The following CDH13 variants were observed in gnomAD, a reference collection of about 807,000 sequenced individuals.
The protein encoded by CDH13 is cadherin-13.
Under a neutral mutation model 63.8 loss-of-function variants are expected in CDH13, and 24 were observed. The ratio of observed to expected loss-of-function variants is 0.38; its 90% confidence interval spans 0.27 to 0.53. The LOEUF is 0.53. CDH13 is among the 20% of genes least tolerant of loss of function. CDH13 has a pLI of 0.85. For synonymous variants in CDH13, 503 were observed against 355.3 expected, an observed-to-expected ratio of 1.42 and a Z score of -4.67; for missense variants, 1,049 against 903.1, an observed-to-expected ratio of 1.16 and a Z score of -2.07.
chr16:83,546,267 G>A (rs540666247), intron 7 of CDH13, among the ~76,000 whole-genome samples: 1 of 152,236 alleles, frequency 6.6e-6, no homozygotes. Flanking sequence ...CTGGAGGGTG[G>A]CACTCTTGGC....
intron 1 of CDH13, among the ~76,000 whole-genome samples, chr16:82,804,089 G>A (rs554226067): frequency 1.1e-3 from 160 of 144,892 alleles, no homozygotes; most frequent in African/African-American, 4.0e-3. Flanking sequence ...TTAGCTGGGC[G>A]TGGTGGTGCG....
chr16:83,634,515 C>A (rs11642523), intron 8 of CDH13, among the ~76,000 whole-genome samples: 3 of 151,726 alleles, frequency 2.0e-5, no homozygotes, highest in East Asian at 3.9e-4. Context: ...ATTCTCCTGC[C>A]TCAGCCTCCT....
intron 1 of CDH13, chr16:82,688,822 C>T (rs1415999078): frequency 6.6e-6 from 1 of 152,016 alleles, no homozygotes; most frequent in Admixed American, 6.5e-5. Flanking sequence ...GATTTGGTCA[C>T]CAGGCAGATT....
intron 1 of CDH13, among the ~76,000 whole-genome samples, chr16:82,671,397 G>T (rs951213808): frequency 6.6e-6 from 1 of 152,264 alleles, no homozygotes; most frequent in East Asian, 1.9e-4. Context: ...AACAAGACTT[G>T]TTCTTTTCCT....
intron 4 of CDH13, among the ~76,000 whole-genome samples, chr16:83,128,912 T>C (rs1291727299): frequency 6.6e-6 from 1 of 152,246 alleles, no homozygotes; most frequent in African/African-American, 2.4e-5. Flanking sequence ...GGCTACTAAC[T>C]AGACAATGCG....
In CDH13 at chr16:83,034,494, A is replaced by G. The variant is rs113543874; in HGVS notation, c.366+2276A>G. Among the ~76,000 whole-genome samples the G allele has an allele frequency of 1.1e-4, 16 of 152,354 alleles. No individual in the cohort carries two copies. The South Asian group carries it at 2.1e-3, about 20-fold the overall frequency. ...CTTTTCTCTTACTTAGCCATGACCA[A>G]TGGTCACAGCATCTCACTAATCTGT... is the stretch of plus-strand genomic sequence containing the variant. On this transcript the variant is annotated intron_variant, in intron 3 of 13. Transcript: ENST00000567109.
rs148677787 is a variant in CDH13 at position 83,031,576 on chromosome 16, A to G, written c.158-434A>G. Among the ~76,000 whole-genome samples, 1,156 of 151,920 alleles carry G rather than the reference A, an allele frequency of 7.6e-3. 11 individuals carry two copies. The highest frequency in any genetic ancestry group is 0.026 in the African/African-American group (1,088 of 41,430). ...AGCCTATAATGTCTTCCACATTCTT[A>G]AGGGCCTTCTCATCTCCTACTTATC... On this transcript the variant is annotated intron_variant, in intron 2 of 13. Transcript: ENST00000567109.
chr16:83,536,454 G>C (rs2150639107), intron 7 of CDH13, among the ~76,000 whole-genome samples: 1 of 152,212 alleles, frequency 6.6e-6, no homozygotes, highest in East Asian at 1.9e-4. Flanking sequence ...GAACATCACA[G>C]GGAGAGAGAA....
chr16:83,066,296 CTT>C (rs2032004844), intron 3 of CDH13, among the ~76,000 whole-genome samples: 3 of 152,174 alleles, frequency 2.0e-5, no homozygotes, highest in Admixed American at 1.3e-4. Flanking sequence ...AGACATGAGA[CTT>C]TCAGTTTTAA....
intron 1 of CDH13, among the ~76,000 whole-genome samples, chr16:82,798,573 C>T (rs1048631586): frequency 3.4e-4 from 51 of 152,094 alleles, no homozygotes; most frequent in African/African-American, 1.2e-3. Context: ...TTAATGTGGC[C>T]TGGGCAATGT....
intron 4 of CDH13, among the ~76,000 whole-genome samples, chr16:83,131,191 C>A (rs1038182895): frequency 3.2e-5 from 4 of 124,136 alleles, no homozygotes; most frequent in Admixed American, 7.8e-5. Context: ...GACCCCCCCC[C>A]CCCCCCCCCC....
chr16:83,442,233 C>T (rs1003408434), intron 6 of CDH13, among the ~76,000 whole-genome samples: 27 of 152,124 alleles, frequency 1.8e-4, no homozygotes, highest in Admixed American at 6.5e-4. Context: ...TTACCTCATC[C>T]GTAAAATGAG....
chr16:83,215,665 G>C (rs8044172), intron 4 of CDH13, among the ~76,000 whole-genome samples: 125,962 of 151,376 alleles, frequency 0.83, 53,608 homozygotes, highest in East Asian at 0.96. Flanking sequence ...GCAGGGGGCG[G>C]GCAGGACCCA....
At chr16:83,434,086 A>T (rs182143005) in intron 6 of CDH13, among the ~76,000 whole-genome samples, 3 of 152,304 alleles carry the variant, frequency 2.0e-5, no homozygotes, top group African/African-American at 7.2e-5. Flanking sequence ...CCAGTGCAGA[A>T]TAAATTGTCC....
chr16:83,464,714 C>T (rs921660563), intron 6 of CDH13, among the ~76,000 whole-genome samples: 2 of 152,112 alleles, frequency 1.3e-5, no homozygotes, highest in African/African-American at 4.8e-5. Context: ...CCCTAATCCA[C>T]CATAACCTCA....
chr16:82,758,861 C>T (rs952184485), intron 1 of CDH13, among the ~76,000 whole-genome samples: 2 of 152,130 alleles, frequency 1.3e-5, no homozygotes, highest in East Asian at 3.9e-4. Context: ...TTCAGTTTTC[C>T]CCTGTTGATT....
intron 2 of CDH13, among the ~76,000 whole-genome samples, chr16:82,862,999 A>C (rs1434387614): frequency 6.6e-6 from 1 of 152,222 alleles, no homozygotes; most frequent in African/African-American, 2.4e-5. Flanking sequence ...CCAAAGTGGC[A>C]TGTATCATTT....
intron 7 of CDH13, among the ~76,000 whole-genome samples, chr16:83,600,156 G>A (rs1268634018): frequency 6.6e-6 from 1 of 152,170 alleles, no homozygotes; most frequent in East Asian, 1.9e-4. Context: ...AGGGCAGATG[G>A]CATCTCAAGC....
chr16:83,367,151 G>A lies in CDH13; in HGVS notation c.781+22145G>A, dbSNP rs577700393. 2.4e-3 allele frequency among the ~76,000 whole-genome samples: 371 copies of A among 152,202 alleles called. 3 individuals carry two copies. The highest frequency in any genetic ancestry group is 0.022 in the Admixed American group (333 of 15,284). Reference sequence around the variant, plus strand: ...TTTCCTCGAAAACTCTTTGGTACTAGACAACCAATGATCCACTTTCTACCT... The same window carrying A: ...TTTCCTCGAAAACTCTTTGGTACTAAACAACCAATGATCCACTTTCTACCT... On this transcript the variant is annotated intron_variant, in intron 6 of 13. Coordinates refer to ENST00000567109, the MANE Select transcript of CDH13 (RefSeq NM_001257.5).
Sources: gnomAD v4.1 joint callset for allele counts (sites outside exome capture counted in the v4.1 genomes callset) on GRCh38, gnomAD v4.1.1 for gene constraint, MANE v1.5 for transcripts, NCBI Gene and HGNC (gene_info 2026-07-23, HGNC 2026-07-21) for gene names.